C6: variants seen among roughly 807,000 people sequenced by gnomAD.
C6 encodes complement C6, also known as complement component C6.
Under a neutral mutation model 112.9 loss-of-function variants are expected in C6, and 101 were observed. The ratio of observed to expected loss-of-function variants is 0.89; its 90% CI spans 0.76 to 1.06. The LOEUF is 1.06. Ranked by LOEUF, C6 falls within the 50% of genes least tolerant of loss-of-function variation. The probability of loss-of-function intolerance (pLI) is 0.00; values close to 1 mark genes in which losing one functional copy is unlikely to be tolerated. For synonymous variants in C6, 431 were observed against 384.1 expected (o/e 1.12, Z -1.43); for missense variants, 1,202 against 1,104.6 (o/e 1.09, Z -1.25).
At chr5:41,216,487 A>T (rs1752200175), upstream of C6, among the ~76,000 whole-genome samples, 4 of 151,916 alleles carry the variant, frequency 2.6e-5, 1 homozygote, top group South Asian at 8.3e-4. Context: ...GTTATTGATC[A>T]CCTTTGTATT....
intron 17 of C6, among the ~76,000 whole-genome samples, chr5:41,145,701 C>A (rs73092351): frequency 1.1e-4 from 16 of 152,150 alleles, no homozygotes; most frequent in Admixed American, 1.0e-3. Context: ...CCGTACTATG[C>A]TCTCCATCAA....
intron 1 of C6, among the ~76,000 whole-genome samples, chr5:41,233,543 A>G (rs1740039876): frequency 6.6e-6 from 1 of 152,100 alleles, no homozygotes; most frequent in Non-Finnish European, 1.5e-5. Context: ...ACAAAACAAA[A>G]TAAAGCTAAA....
intron 5 of C6, among the ~76,000 whole-genome samples, chr5:41,192,256 G>A (rs1388862285): frequency 6.6e-6 from 1 of 152,102 alleles, no homozygotes; most frequent in Admixed American, 6.5e-5. Flanking sequence ...AATTATAGTA[G>A]ATATCTGGGA....
intron 1 of C6, among the ~76,000 whole-genome samples, chr5:41,226,537 T>C (rs1175825275): frequency 1.3e-5 from 2 of 152,164 alleles, no homozygotes; most frequent in Non-Finnish European, 2.9e-5. Flanking sequence ...TGCTATACAG[T>C]AGATCTCCTG....
chr5:41,259,303 G>A (rs1389172318), intron 1 of C6, among the ~76,000 whole-genome samples: 1 of 152,060 alleles, frequency 6.6e-6, no homozygotes, highest in Admixed American at 6.5e-5. Flanking sequence ...AGCTGGCAAA[G>A]TGTGAACTAA....
chr5:41,162,767 T>A (rs1747641592), intron 9 of C6, among the ~76,000 whole-genome samples: 1 of 152,198 alleles, frequency 6.6e-6, no homozygotes, highest in Non-Finnish European at 1.5e-5. Flanking sequence ...TGGATGCAAC[T>A]GTCTTCCTAT....
At chr5:41,210,321 A>T (rs1361587217) in intron 1 of C6, among the ~76,000 whole-genome samples, 6 of 152,152 alleles carry the variant, frequency 3.9e-5, no homozygotes, top group African/African-American at 9.7e-5. Context: ...GGACTTCATG[A>T]CTAAAACACC....
At chr5:41,246,651 G>A (rs563833116) in intron 1 of C6, among the ~76,000 whole-genome samples, 2 of 152,248 alleles carry the variant, frequency 1.3e-5, no homozygotes, top group African/African-American at 4.8e-5. Flanking sequence ...AACCAGTCCA[G>A]GGCAGTCTAA....
intron 17 of C6, among the ~76,000 whole-genome samples, chr5:41,145,150 G>A (rs967413527): frequency 7.2e-5 from 11 of 152,162 alleles, no homozygotes; most frequent in African/African-American, 1.2e-4. Context: ...GTCCTTCAAG[G>A]AATTCTGTTT....
chr5:41,146,814 C>A (rs904339255), intron 17 of C6, among the ~76,000 whole-genome samples: 1 of 150,076 alleles, frequency 6.7e-6, no homozygotes. Flanking sequence ...TACAGCAAAG[C>A]GGTAATAGTA....
intron 16 of C6, 34 bp from the exon 17 acceptor site, chr5:41,149,516 G>A: frequency 6.2e-7 from 1 of 1,612,254 alleles, no homozygotes; most frequent in East Asian, 2.2e-5. Context: ...ATTTCTATAT[G>A]AAGATCAGAA....
Position 41,160,236 on chromosome 5 carries a change from GC to G in C6, c.1589del (p.Gly530AlafsTer35), listed in dbSNP as rs754001934. The G allele has an allele frequency of 2.5e-5, 40 of 1,613,764 alleles. No homozygotes were observed. Among genetic ancestry groups the G allele is most frequent in the Non-Finnish European group, 3.3e-5 (39 of 1,179,846 alleles). On this transcript the variant is annotated frameshift_variant, in exon 11 of 18. Transcript: ENST00000337836. LOFTEE classifies it high-confidence loss of function. Reference protein sequence around the residue: ...PCQCAPCPNNGRPTLSGTECL... With the variant: ...PCQCAPCPNNXRPTLSGTECL... ...ATTCAGTCCCTGAGAGGGTGGGTCG[GC>G]CATTATTAGGGCATGGAGCACACTG...
rs9200 is a variant in C6 at position 41,142,504 on chromosome 5, C to A, written c.*321G>T. 3.8e-5 allele frequency: 12 copies of A among 314,536 alleles called. 1 individual carries two copies. The highest frequency in any genetic ancestry group is 7.3e-5 in the Non-Finnish European group (12 of 165,454). 19.5% of individuals were successfully genotyped at this position (314,536 alleles called of 1,614,324 possible). A position where few individuals can be genotyped will look rare whatever the true frequency, so the allele number is the denominator to read the frequency against. On this transcript the variant is annotated 3_prime_UTR_variant, in exon 18 of 18. Transcript: ENST00000337836. ...TGGGTTTTATTCTTATTTCTAATTG[C>A]GAGAATGCTTAATGTCACAGGCTAC...
chr5:41,260,453 C>T (rs1349031339), intron 1 of C6, among the ~76,000 whole-genome samples: 13 of 150,086 alleles, frequency 8.7e-5, no homozygotes, highest in Non-Finnish European at 1.5e-4. Context: ...AATAAACCCC[C>T]CCCCAAAACA....
intron 1 of C6, among the ~76,000 whole-genome samples, chr5:41,210,538 C>G (rs1023362583): frequency 6.6e-6 from 1 of 152,006 alleles, no homozygotes; most frequent in Non-Finnish European, 1.5e-5. Context: ...TCAAACAACC[C>G]CATCAAAAAG....
At position 41,175,602 on chromosome 5, in the gene C6, A is replaced by G. The variant is rs146770185; in HGVS notation, c.1168+873T>C. On this transcript the variant is annotated intron_variant, in intron 8 of 17. Transcript: ENST00000337836. ...TAAAGATTCACCCAGTTCTCAACTGACCTGATCCCTAAGCATTTAGGGGCT... is the reference window on the plus strand; with the variant it reads ...TAAAGATTCACCCAGTTCTCAACTGGCCTGATCCCTAAGCATTTAGGGGCT... Among the ~76,000 whole-genome samples the G allele has an allele frequency of 1.8e-4, 27 of 152,322 alleles. 2 individuals are homozygous for G. In the South Asian group the frequency reaches 5.0e-3, roughly 28 times the overall value.
At chr5:41,157,882 C>T (rs1171740518) in intron 13 of C6, among the ~76,000 whole-genome samples, 1 of 152,106 alleles carries the variant, frequency 6.6e-6, no homozygotes, top group Non-Finnish European at 1.5e-5. Context: ...AAGGTATGGT[C>T]CTTATGCATG....
At chr5:41,159,586 T>C in intron 11 of C6, 1 of 323,800 alleles carries the variant, frequency 3.1e-6, no homozygotes, top group Non-Finnish European at 4.4e-6. Flanking sequence ...AAACATCTTC[T>C]TAACAGAATG....
intron 1 of C6, among the ~76,000 whole-genome samples, chr5:41,206,039 C>G (rs1487483422): frequency 6.6e-6 from 1 of 152,204 alleles, no homozygotes; most frequent in Non-Finnish European, 1.5e-5. Flanking sequence ...AAGGATCAGG[C>G]AGCAACATTT....
Sources: gnomAD v4.1 joint callset for allele counts (sites outside exome capture counted in the v4.1 genomes callset) on GRCh38, gnomAD v4.1.1 for gene constraint, MANE v1.5 for transcripts, NCBI Gene and HGNC (gene_info 2026-07-23, HGNC 2026-07-21) for gene names.